The following ATP8A2 variants were observed in gnomAD, a reference collection of about 807,000 sequenced individuals.
ATP8A2 encodes ATPase phospholipid transporting 8A2, also known as phospholipid-transporting ATPase IB.
Under a neutral mutation model 165.6 loss-of-function variants are expected in ATP8A2, and 100 were observed. That is an observed-to-expected ratio of 0.60 (90% CI 0.51 to 0.71). The LOEUF is 0.71. Among genes scored for constraint, ATP8A2 ranks in the 30% least tolerant of loss-of-function variants. The pLI is 0.00. For missense variants in ATP8A2, 1,227 were observed against 1,479.5 expected, an observed-to-expected ratio of 0.83 and a Z score of 2.80; for synonymous variants, 543 against 548.8, an observed-to-expected ratio of 0.99 and a Z score of 0.15.
intron 10 of ATP8A2, among the ~76,000 whole-genome samples, chr13:25,546,514 C>CTTT (rs1222212487): frequency 7.0e-6 from 1 of 142,186 alleles, no homozygotes; most frequent in Non-Finnish European, 1.5e-5. Flanking sequence ...GTTCTTCTAC[C>CTTT]TTTTTTTTTT....
chr13:25,393,775 T>C (rs1274991772), intron 1 of ATP8A2, among the ~76,000 whole-genome samples: 1 of 152,232 alleles, frequency 6.6e-6, no homozygotes, highest in Non-Finnish European at 1.5e-5. Flanking sequence ...AATCTGAGGT[T>C]CATTTTATGT....
intron 25 of ATP8A2, among the ~76,000 whole-genome samples, chr13:25,754,426 T>G (rs867856910): frequency 6.6e-5 from 10 of 152,262 alleles, no homozygotes; most frequent in African/African-American, 1.4e-4. Flanking sequence ...CGATTTTTTT[T>G]TTTTGAGGTT....
intron 1 of ATP8A2, among the ~76,000 whole-genome samples, chr13:25,396,083 C>T (rs1270183766): frequency 2.0e-5 from 3 of 152,166 alleles, no homozygotes; most frequent in African/African-American, 7.2e-5. Context: ...ACCTCGTGGT[C>T]TGCCCGCCTT....
chr13:25,676,622 A>C (rs1406071505), intron 24 of ATP8A2, among the ~76,000 whole-genome samples: 2 of 152,180 alleles, frequency 1.3e-5, no homozygotes, highest in South Asian at 4.1e-4. Flanking sequence ...GTGCCAAAGT[A>C]AAAAAGGTTG....
chr13:25,570,820 G>C lies in ATP8A2; in HGVS notation c.1527G>C (p.Thr509=), dbSNP rs762709201. Residue 509 remains threonine (T), a synonymous_variant, in exon 17 of 37, where the codon ACG becomes ACC. Transcript: ENST00000381655. ...TCACCCTTCTGGCCGTGTGCCACACGGTTGTTCCTGAGAAGGATGGAGATA... is the reference window on the plus strand; with the variant it reads ...TCACCCTTCTGGCCGTGTGCCACACCGTTGTTCCTGAGAAGGATGGAGATA... The part of the protein sequence containing the change: ...EFLTLLAVCH[T]VVPEKDGDNI... The C allele has an allele frequency of 3.7e-6, 6 of 1,613,730 alleles. No individual in the cohort carries two copies. The highest frequency in any genetic ancestry group is 1.3e-5 in the African/African-American group (1 of 75,066).
At position 25,602,022 on chromosome 13, in the gene ATP8A2, T is replaced by C. The variant is rs2040401148; in HGVS notation, c.2211+12323T>C. Among the ~76,000 whole-genome samples, 6 of 152,308 alleles carry C rather than the reference T, an allele frequency of 3.9e-5. No homozygotes were observed. The South Asian group carries it at 1.2e-3, about 32-fold the overall frequency. ...AACTTTCTATTTTTTTTTCCTACCA[T>C]CTGCTAAAAAATTCCTGATACTCTT... On this transcript the variant is annotated intron_variant, in intron 24 of 36. Transcript: ENST00000381655.
intron 29 of ATP8A2, among the ~76,000 whole-genome samples, chr13:25,839,034 G>A (rs775338331): frequency 6.6e-6 from 1 of 151,016 alleles, no homozygotes; most frequent in African/African-American, 2.4e-5. Context: ...TGAGTGAGAG[G>A]GATTTGAAGT....
intron 7 of ATP8A2, among the ~76,000 whole-genome samples, chr13:25,539,610 A>G (rs558380651): frequency 2.0e-4 from 30 of 152,220 alleles, no homozygotes; most frequent in Admixed American, 1.7e-3. Flanking sequence ...GAGACTAAAC[A>G]ATTTGCCAAG....
At chr13:25,946,544 C>G (rs1415121844) in intron 33 of ATP8A2, among the ~76,000 whole-genome samples, 1 of 152,162 alleles carries the variant, frequency 6.6e-6, no homozygotes, top group African/African-American at 2.4e-5. Context: ...TATTTTCAAA[C>G]CCAGATATAC....
At chr13:25,932,065 AAG>A (rs1337051733) in intron 33 of ATP8A2, among the ~76,000 whole-genome samples, 1 of 151,590 alleles carries the variant, frequency 6.6e-6, no homozygotes, top group African/African-American at 2.4e-5. Flanking sequence ...AAAAAAAAGA[AAG>A]AAAGAAAGGG....
Position 25,543,312 on chromosome 13 carries a change from C to T in ATP8A2, c.801C>T (p.Asp267=). The change falls in exon 10 of 37, where the codon GAC becomes GAT. Residue 267 remains aspartate, a synonymous_variant. Coordinates refer to ENST00000381655, the MANE Select transcript of ATP8A2 (RefSeq NM_016529.6). ...TTAGCCTTGTTGCCCTTGGGCCTGACCAGATCTTATTAAGAGGTACACAGC... is the reference window on the plus strand; with the variant it reads ...TTAGCCTTGTTGCCCTTGGGCCTGATCAGATCTTATTAAGAGGTACACAGC... The part of the protein sequence containing the change: ...DGKSLVALGP[D]QILLRGTQLR... 6.2e-7 allele frequency: 1 copy of T among 1,610,670 alleles called. No homozygotes were observed. The highest frequency in any genetic ancestry group is 1.1e-5 in the South Asian group (1 of 90,740).
intron 33 of ATP8A2, among the ~76,000 whole-genome samples, chr13:25,897,136 C>G (rs1466027308): frequency 1.3e-5 from 2 of 152,146 alleles, no homozygotes; most frequent in Non-Finnish European, 2.9e-5. Context: ...CCTTGATGGT[C>G]TTTACAGTTT....
chr13:25,891,316 C>T (rs1953352749), intron 33 of ATP8A2, among the ~76,000 whole-genome samples: 2 of 145,518 alleles, frequency 1.4e-5, no homozygotes, highest in Admixed American at 6.7e-5. Context: ...TAGACCTGAG[C>T]CTTTTGTTTT....
chr13:25,499,073 G>GTT, intron 2 of ATP8A2, among the ~76,000 whole-genome samples: 1 of 152,220 alleles, frequency 6.6e-6, no homozygotes, highest in South Asian at 2.1e-4. Context: ...ATGTGGCAGG[G>GTT]GATAACTGCC....
chr13:25,637,173 C>G (rs1441617790), intron 24 of ATP8A2, among the ~76,000 whole-genome samples: 5 of 150,494 alleles, frequency 3.3e-5, no homozygotes, highest in African/African-American at 9.8e-5. Flanking sequence ...CTATAGCTTC[C>G]AGCATGAGCG....
intron 35 of ATP8A2, among the ~76,000 whole-genome samples, chr13:26,000,312 A>C (rs943681459): frequency 7.2e-5 from 11 of 152,190 alleles, no homozygotes; most frequent in Non-Finnish European, 1.3e-4. Flanking sequence ...GGTCAGTTGT[A>C]ACTATTGACA....
At chr13:25,423,148 G>A (rs1020769406) in intron 1 of ATP8A2, among the ~76,000 whole-genome samples, 1 of 152,138 alleles carries the variant, frequency 6.6e-6, no homozygotes, top group African/African-American at 2.4e-5. Flanking sequence ...GATGGGCACT[G>A]GCATCACTTG....
intron 27 of ATP8A2, among the ~76,000 whole-genome samples, chr13:25,804,732 C>T (rs570480520): frequency 3.2e-4 from 49 of 152,252 alleles, no homozygotes; most frequent in East Asian, 1.6e-3. Flanking sequence ...CCCGTGCATT[C>T]TGGGTGCCGA....
chr13:25,793,749 T>G (rs1046482436), intron 27 of ATP8A2, among the ~76,000 whole-genome samples: 3 of 152,176 alleles, frequency 2.0e-5, no homozygotes, highest in Non-Finnish European at 1.5e-5. Flanking sequence ...AGAGAAATCC[T>G]TTGCTATCTA....
Sources: allele counts gnomAD v4.1 joint callset (sites outside exome capture counted in the v4.1 genomes callset), GRCh38; gene constraint gnomAD v4.1.1; transcripts MANE v1.5; gene names NCBI Gene and HGNC (gene_info 2026-07-23, HGNC 2026-07-21).